PRKAG2: variants seen among roughly 807,000 people sequenced by gnomAD.
PRKAG2 encodes protein kinase AMP-activated non-catalytic subunit gamma 2, also known as 5'-AMP-activated protein kinase subunit gamma-2.
Under a neutral mutation model 69.6 loss-of-function variants are expected in PRKAG2, and 26 were observed. The observed-to-expected ratio is 0.37, with a 90% CI of 0.27 to 0.52. The LOEUF (loss-of-function observed/expected upper bound fraction) is 0.52, where lower values mean the gene tolerates loss of function less well. Ranked by LOEUF, PRKAG2 falls within the 20% of genes least tolerant of loss-of-function variation. PRKAG2 has a pLI of 0.90. For synonymous variants in PRKAG2, 293 were observed against 285.0 expected (o/e 1.03, Z -0.28); for missense variants, 557 against 740.0 (o/e 0.75, Z 2.87).
chr7:151,813,747 C>T (rs1479970274), intron 1 of PRKAG2, among the ~76,000 whole-genome samples: 2 of 152,166 alleles, frequency 1.3e-5, no homozygotes, highest in Non-Finnish European at 2.9e-5. Flanking sequence ...TTCCCTTCCT[C>T]TCTCCCCCAC....
intron 4 of PRKAG2, among the ~76,000 whole-genome samples, chr7:151,653,393 G>A (rs1486354776): frequency 1.3e-5 from 2 of 152,124 alleles, no homozygotes; most frequent in East Asian, 1.9e-4. Flanking sequence ...TTGTCCTTAT[G>A]AGTACTGGAT....
intron 15 of PRKAG2, chr7:151,559,073 T>C (rs1804383339): frequency 3.0e-6 from 3 of 985,328 alleles, no homozygotes; most frequent in Non-Finnish European, 2.4e-6. Flanking sequence ...GGGATAAATC[T>C]GCCCAGAGAA....
At chr7:151,728,722 C>T (rs750808531) in intron 3 of PRKAG2, among the ~76,000 whole-genome samples, 30 of 152,284 alleles carry the variant, frequency 2.0e-4, no homozygotes, top group East Asian at 1.7e-3. Flanking sequence ...CTCCAGAGGG[C>T]GGCTGCTCCC....
intron 3 of PRKAG2, among the ~76,000 whole-genome samples, chr7:151,731,989 A>G (rs1197681732): frequency 6.6e-6 from 1 of 151,978 alleles, no homozygotes; most frequent in East Asian, 1.9e-4. Context: ...AGGTGCACAC[A>G]ACCACACCCA....
chr7:151,791,985 A>G (rs1181837595), intron 1 of PRKAG2, among the ~76,000 whole-genome samples: 1 of 152,254 alleles, frequency 6.6e-6, no homozygotes, highest in Non-Finnish European at 1.5e-5. Context: ...GCCCAATGCC[A>G]GAGAATCAGA....
At chr7:151,568,693 T>C (rs1250591785) in intron 11 of PRKAG2, 23 bp downstream of exon 11, 4 of 1,612,000 alleles carry the variant, frequency 2.5e-6, no homozygotes, top group Non-Finnish European at 2.5e-6. Context: ...ATTATGTCTT[T>C]AGAAACGCTA....
At chr7:151,558,982 C>T (rs1200276670) in intron 15 of PRKAG2, 20 of 985,440 alleles carry the variant, frequency 2.0e-5, no homozygotes, top group Non-Finnish European at 2.3e-5. Context: ...TTCAGCCTGA[C>T]CCGCTGGGCA....
Position 151,773,023 on chromosome 7 carries a change from A to AAGAGAG in PRKAG2, c.466+8123_466+8128dup, listed in dbSNP as rs1163334410. Reference sequence around the variant, plus strand: ...AAAGAAAGAAAGAAAGAAAGAAAGAAAGAGAGAGAGAGAGAGAGAGAGAGA... The same window carrying AAGAGAG: ...AAAGAAAGAAAGAAAGAAAGAAAGAAAGAGAGAGAGAGAGAGAGAGAGAGAGAGAGA... On this transcript the variant is annotated intron_variant, in intron 3 of 15. Transcript: ENST00000287878. Among the ~76,000 whole-genome samples, 11 of 55,102 alleles carry AAGAGAG rather than the reference A, an allele frequency of 2.0e-4. No homozygotes were observed. The South Asian group carries it at 3.6e-3, about 18-fold the overall frequency. 36.1% of individuals were successfully genotyped at this position (55,102 alleles called of 152,430 possible).
chr7:151,608,047 G>A (rs763325068), intron 5 of PRKAG2, among the ~76,000 whole-genome samples: 11 of 152,240 alleles, frequency 7.2e-5, no homozygotes, highest in Admixed American at 2.0e-4. Flanking sequence ...GATGCAGCGC[G>A]GCACGGAGGG....
At chr7:151,809,431 G>A (rs1372345191) in intron 1 of PRKAG2, 10 of 354,314 alleles carry the variant, frequency 2.8e-5, no homozygotes, top group Middle Eastern at 9.8e-4. Context: ...GCAGGCGCTC[G>A]CTGTGGGGTC....
At chr7:151,646,270 T>C (rs1011863790) in intron 4 of PRKAG2, among the ~76,000 whole-genome samples, 6 of 152,210 alleles carry the variant, frequency 3.9e-5, no homozygotes, top group African/African-American at 1.4e-4. Flanking sequence ...ACAGATCAAT[T>C]TGGGAAGAAA....
At chr7:151,607,496 T>C (rs1337610498) in intron 5 of PRKAG2, among the ~76,000 whole-genome samples, 1 of 152,090 alleles carries the variant, frequency 6.6e-6, no homozygotes, top group Non-Finnish European at 1.5e-5. Context: ...AGGCTGGTCT[T>C]GCACTTTTGG....
At chr7:151,864,874 G>C (rs1427441212) in intron 1 of PRKAG2, among the ~76,000 whole-genome samples, 1 of 152,124 alleles carries the variant, frequency 6.6e-6, no homozygotes, top group Non-Finnish European at 1.5e-5. Context: ...TGGTGCTTGA[G>C]CCAAACGGAG....
At chr7:151,824,063 G>A (rs568370916) in intron 1 of PRKAG2, among the ~76,000 whole-genome samples, 5 of 152,318 alleles carry the variant, frequency 3.3e-5, no homozygotes, top group Admixed American at 6.5e-5. Flanking sequence ...GAACCTCTGA[G>A]AAGGGAACTG....
chr7:151,804,757 C>T (rs1001318606), intron 1 of PRKAG2, among the ~76,000 whole-genome samples: 11 of 152,114 alleles, frequency 7.2e-5, no homozygotes, highest in African/African-American at 2.7e-4. Context: ...GGCACAGAGT[C>T]GGCACTTGAG....
rs2078955744 is a variant in PRKAG2, at chr7:151,828,420, G to A, written c.115-41879C>T. Among the ~76,000 whole-genome samples the A allele has an allele frequency of 6.6e-6, 1 of 152,162 alleles. No individual in the cohort carries two copies. Among genetic ancestry groups the A allele is most frequent in the East Asian group, 1.9e-4 (1 of 5,192 alleles). On this transcript the variant is annotated intron_variant, in intron 1 of 15. Transcript: ENST00000287878. The surrounding 1 kb of genome is among the most constrained non-coding windows in gnomAD (Gnocchi z 4.6). ...GTAAATATTTGTTTAAAGAGAGAAT[G>A]AACAGTTTAATGCATGAAGAAAAAG...
intron 5 of PRKAG2, among the ~76,000 whole-genome samples, chr7:151,604,677 G>A (rs1340401094): frequency 6.6e-6 from 1 of 152,076 alleles, no homozygotes; most frequent in East Asian, 1.9e-4. Flanking sequence ...CCCCAACAAT[G>A]TATTAACAAA....
intron 1 of PRKAG2, among the ~76,000 whole-genome samples, chr7:151,848,707 C>A (rs2079498613): frequency 6.6e-6 from 1 of 151,648 alleles, no homozygotes; most frequent in Non-Finnish European, 1.5e-5. Flanking sequence ...ATATTCTTAG[C>A]AGAGACAGGG....
At chr7:151,721,382 A>AGGGCCAGGGCCGGGGCCAGGGCCG (rs146449817) in intron 3 of PRKAG2, among the ~76,000 whole-genome samples, 72 of 151,188 alleles carry the variant, frequency 4.8e-4, no homozygotes, top group African/African-American at 1.5e-3. Context: ...AGACAGGGCC[A>AGGGCCAGGGCCGGGGCCAGGGCCG]GGGCCAGGGC....
Sources: gnomAD v4.1 joint callset for allele counts (sites outside exome capture counted in the v4.1 genomes callset) on GRCh38, gnomAD v4.1.1 for gene constraint, Gnocchi (gnomAD v3.1) non-coding constraint, MANE v1.5 for transcripts, NCBI Gene and HGNC (gene_info 2026-07-23, HGNC 2026-07-21) for gene names.